PIK3R3: variants seen among roughly 807,000 people sequenced by gnomAD.
The protein encoded by PIK3R3 is phosphoinositide-3-kinase regulatory subunit 3.
Under a neutral mutation model 62.9 loss-of-function variants are expected in PIK3R3, and 64 were observed. The observed-to-expected ratio is 1.02, with a 90% CI of 0.83 to 1.25. The LOEUF (loss-of-function observed/expected upper bound fraction) is 1.25. PIK3R3 is among the 50% of genes most tolerant of loss of function. The probability of loss-of-function intolerance (pLI) is 0.00; values close to 1 mark genes in which losing one functional copy is unlikely to be tolerated. For missense variants in PIK3R3, 614 were observed against 561.6 expected (o/e 1.09, Z -0.94); for synonymous variants, 165 against 189.0 (o/e 0.87, Z 1.04).
Position 46,132,006 on chromosome 1 carries a change from T to A in PIK3R3, c.-54A>T. ...ATATATAGAAGGCATATATTTTTTA[T>A]CTGGTATTTAAAAATCTAAAAATAT... On this transcript the variant is annotated 5_prime_UTR_variant, in exon 1 of 10. Coordinates refer to ENST00000262741, the MANE Select transcript of PIK3R3 (RefSeq NM_003629.4). 1.9e-6 allele frequency: 3 copies of A among 1,585,548 alleles called. No individual in the cohort carries two copies. The highest frequency in any genetic ancestry group is 1.2e-5 in the South Asian group (1 of 86,176).
rs1470693984 is a variant in PIK3R3 at position 46,067,018 on chromosome 1, A to G, written c.388T>C (p.Phe130Leu). 1.2e-6 allele frequency: 2 copies of G among 1,605,056 alleles called. No individual in the cohort carries two copies. The highest frequency in any genetic ancestry group is 1.7e-6 in the Non-Finnish European group (2 of 1,176,616). The change falls in exon 4 of 10, where the codon TTT becomes CTT. Residue 130 changes from phenylalanine to leucine, a missense_variant. By Grantham distance (22) the Phe-to-Leu change is conservative. Transcript: ENST00000262741. Reference sequence around the variant, plus strand: ...TTAATGAGCTCCACCACGGAATTAAATGTCAGAGGATCAGAAAAGCCATAT... The same window carrying G: ...TTAATGAGCTCCACCACGGAATTAAGTGTCAGAGGATCAGAAAAGCCATAT... Reference protein sequence around the residue: ...GKYGFSDPLTFNSVVELINHY... With the variant: ...GKYGFSDPLTLNSVVELINHY...
At chr1:46,120,579 AT>A (rs998222873) in intron 1 of PIK3R3, among the ~76,000 whole-genome samples, 31 of 152,244 alleles carry the variant, frequency 2.0e-4, no homozygotes, top group Non-Finnish European at 2.9e-4. Context: ...CTCAAAAAAA[AT>A]AGAAAATGAG....
At chr1:46,095,441 T>C (rs2149434365) in intron 1 of PIK3R3, among the ~76,000 whole-genome samples, 1 of 152,004 alleles carries the variant, frequency 6.6e-6, no homozygotes, top group South Asian at 2.1e-4. Flanking sequence ...CACTTATAAG[T>C]GGGAACTAAA....
At chr1:46,154,977 G>A in the PIK3R3 span, among the ~76,000 whole-genome samples, 1 of 152,094 alleles carries the variant, frequency 6.6e-6, no homozygotes, top group Non-Finnish European at 1.5e-5. Flanking sequence ...ATCACAATCT[G>A]AAATAACTTT....
chr1:46,095,734 T>C (rs540314647), intron 1 of PIK3R3, among the ~76,000 whole-genome samples: 1 of 152,340 alleles, frequency 6.6e-6, no homozygotes, highest in Non-Finnish European at 1.5e-5. Flanking sequence ...TAGGTTGATA[T>C]ATTAGATTGA....
rs1239799593 is a variant in PIK3R3, at chr1:46,126,731, T to C, written c.106+5116A>G. ...CAGAAGGATCACTTGAGCCCAGGGG[T>C]TCAAGGCCAGCCTGGGGCAACAAAG... On this transcript the variant is annotated intron_variant, in intron 1 of 9. Transcript: ENST00000262741. 2.0e-5 allele frequency among the ~76,000 whole-genome samples: 3 copies of C among 151,412 alleles called. No individual in the cohort carries two copies. In the East Asian group the frequency reaches 5.8e-4, roughly 29 times the overall value.
At chr1:46,062,345 G>A (rs937579713) in intron 5 of PIK3R3, among the ~76,000 whole-genome samples, 11 of 152,186 alleles carry the variant, frequency 7.2e-5, no homozygotes, top group African/African-American at 2.4e-4. Flanking sequence ...GGAGGCCGAG[G>A]CAGGCAGATC....
intron 1 of PIK3R3, among the ~76,000 whole-genome samples, chr1:46,082,871 G>A (rs1471477126): frequency 1.3e-5 from 2 of 152,000 alleles, no homozygotes; most frequent in African/African-American, 4.8e-5. Context: ...TCGAGGTCAG[G>A]AGTTTGAGAC....
chr1:46,086,723 A>C (rs1651093216), intron 1 of PIK3R3, among the ~76,000 whole-genome samples: 1 of 152,090 alleles, frequency 6.6e-6, no homozygotes, highest in Admixed American at 6.6e-5. Flanking sequence ...TCTGATTCAC[A>C]CCACTGTACT....
chr1:46,171,914 G>A, the PIK3R3 span, among the ~76,000 whole-genome samples: 3 of 152,184 alleles, frequency 2.0e-5, no homozygotes, highest in African/African-American at 7.2e-5. Flanking sequence ...AACTAGCCAG[G>A]TGGTGAAACT....
the PIK3R3 span, among the ~76,000 whole-genome samples, chr1:46,164,988 A>C: frequency 6.6e-6 from 1 of 151,582 alleles, no homozygotes; most frequent in Non-Finnish European, 1.5e-5. Context: ...GTGCATCACT[A>C]TGCCCAATTA....
intron 2 of PIK3R3, among the ~76,000 whole-genome samples, chr1:46,078,182 T>A (rs1450813231): frequency 6.6e-6 from 1 of 152,158 alleles, no homozygotes; most frequent in Non-Finnish European, 1.5e-5. Flanking sequence ...AACCACATGA[T>A]CTTAAAATTT....
intron 1 of PIK3R3, among the ~76,000 whole-genome samples, chr1:46,114,355 G>T (rs1653993725): frequency 6.6e-6 from 1 of 152,182 alleles, no homozygotes. Flanking sequence ...CCTCTCTTCA[G>T]TGGACATTGT....
chr1:46,136,956 G>A (rs1655956139), upstream of PIK3R3, among the ~76,000 whole-genome samples: 3 of 152,194 alleles, frequency 2.0e-5, no homozygotes, highest in South Asian at 6.2e-4. Context: ...TGTTTCAGGA[G>A]GACAGGGCAC....
At chr1:46,142,543 A>C in the PIK3R3 span, among the ~76,000 whole-genome samples, 1 of 152,014 alleles carries the variant, frequency 6.6e-6, no homozygotes, top group African/African-American at 2.4e-5. Context: ...CTAAAAATGC[A>C]AAAAATTAGC....
chr1:46,155,705 G>T, the PIK3R3 span, among the ~76,000 whole-genome samples: 1 of 152,026 alleles, frequency 6.6e-6, no homozygotes, highest in East Asian at 1.9e-4. Flanking sequence ...CAAGCTATCT[G>T]CCCACCTTGG....
At chr1:46,047,734 A>G (rs941182863) in intron 7 of PIK3R3, among the ~76,000 whole-genome samples, 1 of 152,114 alleles carries the variant, frequency 6.6e-6, no homozygotes, top group Non-Finnish European at 1.5e-5. Context: ...TCATCTTCAT[A>G]GCACTTAGCT....
At chr1:46,154,110 G>T in the PIK3R3 span, among the ~76,000 whole-genome samples, 1 of 152,204 alleles carries the variant, frequency 6.6e-6, no homozygotes, top group African/African-American at 2.4e-5. Flanking sequence ...TAAGCAGGTA[G>T]TTCAGGTTAG....
the PIK3R3 span, chr1:46,139,135 C>T: frequency 6.6e-6 from 1 of 152,072 alleles, no homozygotes; most frequent in Non-Finnish European, 1.5e-5. Context: ...TAATGGTAAA[C>T]AGGAAGAACA....
Sources: gnomAD v4.1 joint callset for allele counts (sites outside exome capture counted in the v4.1 genomes callset) on GRCh38, gnomAD v4.1.1 for gene constraint, MANE v1.5 for transcripts, NCBI Gene and HGNC (gene_info 2026-07-23, HGNC 2026-07-21) for gene names.